INSRR: variants seen among roughly 807,000 people sequenced by gnomAD.
INSRR encodes the protein insulin receptor related receptor.
A neutral mutation model predicts 130.0 loss-of-function variants in INSRR; 114 were observed. The ratio of observed to expected loss-of-function variants is 0.88; its 90% CI spans 0.75 to 1.02. The LOEUF is 1.02. Ranked by LOEUF, INSRR falls within the 50% of genes least tolerant of loss-of-function variation. INSRR has a pLI of 0.00. For missense variants in INSRR, 1,657 were observed against 1,735.2 expected, an observed-to-expected ratio of 0.95 and a Z score of 0.80; for synonymous variants, 674 against 705.2, an observed-to-expected ratio of 0.96 and a Z score of 0.70.
At position 156,849,064 on chromosome 1, in the gene INSRR, G is replaced by C. The variant is rs200782324; in HGVS notation, c.1445-17C>G. ...GAGTCTGGCCTGGGTGGGGCGAGGG[G>C]CCTGCTCGCAACCGCGCCTGCCAGC... On this transcript the variant is annotated splice_polypyrimidine_tract_variant and intron_variant, in intron 6 of 21. Coordinates refer to ENST00000368195, the MANE Select transcript of INSRR (RefSeq NM_014215.3). 9.3e-4 allele frequency: 1,489 copies of C among 1,608,874 alleles called. 21 individuals are homozygous for C. In the African/African-American group the frequency reaches 0.017, roughly 19 times the overall value.
At chr1:156,844,371 T>G in intron 14 of INSRR, 91 bp from the exon 15 acceptor site, 2 of 1,530,658 alleles carry the variant, frequency 1.3e-6, no homozygotes, top group Non-Finnish European at 1.8e-6. Flanking sequence ...GAGGTGAGGA[T>G]GGGGAGGGAT....
chr1:156,849,223 C>T (rs111286511), intron 6 of INSRR, 23 bp downstream of exon 6: 1 of 1,611,682 alleles, frequency 6.2e-7, no homozygotes, highest in Admixed American at 1.7e-5. Flanking sequence ...GCGTGTCCAC[C>T]GGCACTGGGG....
At position 156,841,443 on chromosome 1, in the gene INSRR, C is replaced by G; in HGVS notation, c.3613G>C (p.Val1205Leu). The change falls in exon 21 of 22, where the codon GTC becomes CTC. Residue 1205 changes from valine to leucine, a missense_variant. Coordinates refer to ENST00000368195, the MANE Select transcript of INSRR (RefSeq NM_014215.3). The stretch of plus-strand genomic sequence containing the variant: ...TCCTCCAGGACCCCGCCATCCATGA[C>G]GAACTTCAGCACCTGCTCATTGGAC... Reference protein sequence around the residue: ...GLSNEQVLKFVMDGGVLEELE... With the variant: ...GLSNEQVLKFLMDGGVLEELE... 6.2e-7 allele frequency: 1 copy of G among 1,613,916 alleles called. No homozygotes were observed. Among genetic ancestry groups the G allele is most frequent in the Non-Finnish European group, 8.5e-7 (1 of 1,179,928 alleles).
At chr1:156,850,161 C>A (rs1176810995) in intron 5 of INSRR, among the ~76,000 whole-genome samples, 1 of 152,116 alleles carries the variant, frequency 6.6e-6, no homozygotes, top group African/African-American at 2.4e-5. Flanking sequence ...CTCGGCTTGC[C>A]AAAGTGCTAG....
Position 156,845,813 on chromosome 1 carries a change from G to A in INSRR, c.1980C>T (p.Gly660=), listed in dbSNP as rs1017222961. Residue 660 remains glycine, a splice_region_variant and synonymous_variant, in exon 10 of 22, where the codon GGC becomes GGT. Transcript: ENST00000368195. ...DLYLNDYCHR[G]LRLPTSNNDP... Reference sequence around the variant, plus strand: ...CGTTGTTGCTGGTGGGCAGCCGCAAGCCTGGCGCCGCAGCGGGAAGACACT... The same window carrying A: ...CGTTGTTGCTGGTGGGCAGCCGCAAACCTGGCGCCGCAGCGGGAAGACACT... The A allele has an allele frequency of 6.2e-6, 10 of 1,612,078 alleles. No homozygotes were observed. Among genetic ancestry groups the A allele is most frequent in the South Asian group, 1.1e-5 (1 of 91,050 alleles).
intron 9 of INSRR, 54 bp from the exon 10 acceptor site, chr1:156,845,868 T>G: frequency 6.3e-7 from 1 of 1,598,548 alleles, no homozygotes; most frequent in Non-Finnish European, 8.5e-7. Context: ...CCGCCTCTGA[T>G]CCCCCCCACC....
chr1:156,841,267 G>A, intron 21 of INSRR, 127 bp downstream of exon 21: 1 of 1,035,188 alleles, frequency 9.7e-7, no homozygotes, highest in South Asian at 1.4e-5. Context: ...GGATAGGGGG[G>A]TGGCGCTCAT....
rs1654994699 is a variant in INSRR at position 156,846,023 on chromosome 1, G to A, written c.1907C>T (p.Thr636Ile). The part of the protein sequence containing the change: ...KPPTQRNGNL[T>I]YYLVLWQRLA... ...CCGCTGCCACAGCACCAGGTAGTAG[G>A]TGAGGTTCCCATTGCGCTGGGTCGG... The change falls in exon 9 of 22, where the codon ACC becomes ATC. Residue 636 changes from threonine (T) to isoleucine (I), a missense_variant. Physicochemically the swap from Thr to Ile is moderately conservative, Grantham distance 89. Transcript: ENST00000368195. The A allele has an allele frequency of 1.2e-6, 2 of 1,614,184 alleles. No individual in the cohort carries two copies. Among genetic ancestry groups the A allele is most frequent in the Middle Eastern group, 1.6e-4 (1 of 6,062 alleles).
At chr1:156,850,525 T>C (rs1356857276) in intron 5 of INSRR, among the ~76,000 whole-genome samples, 1 of 144,154 alleles carries the variant, frequency 6.9e-6, no homozygotes, top group Non-Finnish European at 1.5e-5. Flanking sequence ...GATGGTAATT[T>C]AAAACATTCT....
chr1:156,849,513 G>GGGGGGGGGCGGGGGGGGGT, intron 5 of INSRR, 53 bp from the exon 6 acceptor site: 2 of 486,120 alleles, frequency 4.1e-6, no homozygotes, highest in Non-Finnish European at 8.3e-6. Flanking sequence ...CAGGGGGTGG[G>GGGGGGGGGCGGGGGGGGGT]AAAGGGGATG....
rs78393411 is a variant in INSRR, at chr1:156,857,804, G to C, written c.85+733C>G. ...AGTTTGGAGGGGAATGGTGGGACTG[G>C]GGAAGGGGATACCTCCTAATCCTTC... On this transcript the variant is annotated intron_variant, in intron 1 of 21. Transcript: ENST00000368195. Among the ~76,000 whole-genome samples the C allele has an allele frequency of 9.7e-3, 1,481 of 152,306 alleles. 26 individuals carry two copies. The highest frequency in any genetic ancestry group is 0.034 in the African/African-American group (1,415 of 41,548).
chr1:156,841,762 C>T lies in INSRR; in HGVS notation c.3430G>A (p.Asp1144Asn), dbSNP rs1553258219. The change falls in exon 20 of 22, where the codon GAC (aspartate) becomes AAC (asparagine). Residue 1144 changes from aspartate (D) to asparagine (N), a missense_variant. Asp to Asn is a conservative substitution (Grantham distance 23). Coordinates refer to ENST00000368195, the MANE Select transcript of INSRR (RefSeq NM_014215.3). ...FGMTRDVYET[D>N]YYRKGGKGLL... ...CCCTTCCCACCCTTGCGGTAATAGT[C>T]TGTCTCATACACGTCCCGAGTCATC... 6 of 1,614,152 alleles carry T rather than the reference C, an allele frequency of 3.7e-6. No homozygotes were observed. The highest frequency in any genetic ancestry group is 4.2e-6 in the Non-Finnish European group (5 of 1,180,006).
At chr1:156,855,813 A>C (rs1655389080) in intron 1 of INSRR, among the ~76,000 whole-genome samples, 1 of 152,172 alleles carries the variant, frequency 6.6e-6, no homozygotes, top group Non-Finnish European at 1.5e-5. Context: ...CGACAGAGTG[A>C]GACCCTGTCT....
chr1:156,852,228 C>A, intron 2 of INSRR, 37 bp from the exon 3 acceptor site: 1 of 1,541,832 alleles, frequency 6.5e-7, no homozygotes, highest in Non-Finnish European at 8.8e-7. Flanking sequence ...TTGGCCATGC[C>A]CCCTCAGTCC....
rs1355895671 is a variant in INSRR at position 156,844,532 on chromosome 1, C to T, written c.2667G>A (p.Arg889=). Residue 889 remains arginine, a synonymous_variant, in exon 14 of 22, where the codon AGG becomes AGA. Transcript: ENST00000368195. ...TGCCAGCCAGTGAGGTTGCCCTAAC[C>T]CTGGCAGAGTAGTTTCCAGGGGGCA... is the stretch of plus-strand genomic sequence containing the variant. The part of the protein sequence containing the change: ...ALLPPGNYSA[R]VRATSLAGNG... 1 of 1,614,148 alleles carries T rather than the reference C, an allele frequency of 6.2e-7. No homozygotes were observed. Among genetic ancestry groups the T allele is most frequent in the Non-Finnish European group, 8.5e-7 (1 of 1,180,024 alleles).
At chr1:156,850,531 ATTCTTT>A (rs370596870) in intron 5 of INSRR, among the ~76,000 whole-genome samples, 1 of 97,020 alleles carries the variant, frequency 1.0e-5, no homozygotes, top group African/African-American at 3.9e-5. Context: ...AATTTAAAAC[ATTCTTT>A]TTTTTTTTTT....
In INSRR at chr1:156,840,844, G is replaced by A. The variant is rs1248543723; in HGVS notation, c.*29C>T. On this transcript the variant is annotated 3_prime_UTR_variant, in exon 22 of 22. Transcript: ENST00000368195. ...GTCGGGTCCCTTCCTGTCTCCCCAT[G>A]GGAGGCCAGCCAGGGAATGAGGTGC... The A allele has an allele frequency of 6.4e-7, 1 of 1,557,328 alleles. No individual in the cohort carries two copies. Among genetic ancestry groups the A allele is most frequent in the Non-Finnish European group, 8.8e-7 (1 of 1,132,840 alleles).
intron 10 of INSRR, 88 bp downstream of exon 10, chr1:156,845,531 C>G: frequency 6.9e-7 from 1 of 1,449,222 alleles, no homozygotes; most frequent in East Asian, 2.4e-5. Flanking sequence ...AAGCAAGGCC[C>G]CACCCACAAA....
rs569053920 is a variant in INSRR, at chr1:156,853,905, G to A, written c.484C>T (p.Pro162Ser). The change falls in exon 2 of 22, where the codon CCT (proline) becomes TCT (serine). Residue 162 changes from proline (P) to serine (S), a missense_variant. By Grantham distance (74) the Pro-to-Ser change is moderately conservative. Coordinates refer to ENST00000368195, the MANE Select transcript of INSRR (RefSeq NM_014215.3). The part of the protein sequence containing the change: ...TIDWGLLQPA[P>S]GANHIVGNKL... ...TTGCCCACGATGTGGTTGGCGCCAG[G>A]TGCTGGCTGCAGCAGTCCCCAGTCA... The A allele has an allele frequency of 2.2e-5, 35 of 1,614,158 alleles. No homozygotes were observed. The highest frequency in any genetic ancestry group is 3.0e-5 in the Non-Finnish European group (35 of 1,180,040).
Sources: allele counts gnomAD v4.1 joint callset (sites outside exome capture counted in the v4.1 genomes callset), GRCh38; gene constraint gnomAD v4.1.1; transcripts MANE v1.5; gene names NCBI Gene and HGNC (gene_info 2026-07-23, HGNC 2026-07-21).